The following OXR1 variants were observed in gnomAD, a reference collection of about 807,000 sequenced individuals.
The protein encoded by OXR1 is oxidation resistance 1.
In OXR1, 41 loss-of-function variants were observed where a neutral mutation model predicts 104.6. The observed-to-expected ratio is 0.39, with a 90% CI of 0.31 to 0.51. The LOEUF (loss-of-function observed/expected upper bound fraction) is 0.51. Ranked by LOEUF, OXR1 falls within the 20% of genes least tolerant of loss-of-function variation. OXR1 has a pLI of 0.77. For synonymous variants in OXR1, 348 were observed against 348.4 expected (o/e 1.00, Z 0.01); for missense variants, 955 against 1,031.9 (o/e 0.93, Z 1.02).
chr8:106,470,435 C>T (rs1821425621), intron 2 of OXR1, among the ~76,000 whole-genome samples: 1 of 151,628 alleles, frequency 6.6e-6, no homozygotes, highest in Admixed American at 6.6e-5. Flanking sequence ...GTATTTTGGC[C>T]TGAGCAACTG....
chr8:106,302,443 C>G (rs1027370790), intron 1 of OXR1, among the ~76,000 whole-genome samples: 3 of 151,696 alleles, frequency 2.0e-5, no homozygotes, highest in Admixed American at 2.0e-4. Context: ...AAATTAAGCC[C>G]GGCGTGGTGG....
intron 2 of OXR1, among the ~76,000 whole-genome samples, chr8:106,512,951 A>G (rs374697795): frequency 3.4e-4 from 52 of 152,202 alleles, no homozygotes; most frequent in African/African-American, 1.2e-3. Flanking sequence ...TGAGCAGTAT[A>G]AAGCCACATT....
chr8:106,382,600 C>G (rs998687539), intron 2 of OXR1, among the ~76,000 whole-genome samples: 1 of 151,916 alleles, frequency 6.6e-6, no homozygotes, highest in Non-Finnish European at 1.5e-5. Flanking sequence ...ACACTCAACC[C>G]CACAGCCCAG....
In OXR1 at chr8:106,702,282, T is replaced by G. The variant is rs28921408; in HGVS notation, c.676-624T>G. Among the ~76,000 whole-genome samples the G allele has an allele frequency of 7.8e-4, 119 of 152,240 alleles. No homozygotes were observed. In the Middle Eastern group the frequency reaches 0.02, roughly 26 times the overall value. ...CCCTGTATCACTATTTATATAAATA[T>G]ATTTAAAATTTTATAGCTTTTCATG... On this transcript the variant is annotated intron_variant, in intron 7 of 16. Transcript: ENST00000517566.
intron 2 of OXR1, among the ~76,000 whole-genome samples, chr8:106,443,420 A>G (rs905298485): frequency 2.0e-5 from 3 of 152,104 alleles, no homozygotes; most frequent in African/African-American, 4.8e-5. Flanking sequence ...GATGTCTACT[A>G]AGTCTACTTG....
In OXR1 at chr8:106,546,687, C is replaced by T. The variant is rs1275687570; in HGVS notation, c.220+27548C>T. ...TCCCCTCATGGTCAGTAAATCAGTG[C>T]TCTACATAAGGTAAGGTGAACATAG... is the stretch of plus-strand genomic sequence containing the variant. On this transcript the variant is annotated intron_variant, in intron 3 of 16. Transcript: ENST00000517566. Among the ~76,000 whole-genome samples the T allele has an allele frequency of 2.0e-5, 3 of 152,076 alleles. No individual in the cohort carries two copies. In the East Asian group the frequency reaches 5.8e-4, roughly 29 times the overall value.
intron 9 of OXR1, among the ~76,000 whole-genome samples, chr8:106,709,156 A>G (rs1296343267): frequency 6.6e-6 from 1 of 152,154 alleles, no homozygotes; most frequent in Non-Finnish European, 1.5e-5. Context: ...TTCATCACCC[A>G]GAGATGATCA....
chr8:106,738,614 A>G (rs1448431814), intron 12 of OXR1, among the ~76,000 whole-genome samples: 1 of 151,230 alleles, frequency 6.6e-6, no homozygotes, highest in African/African-American at 2.4e-5. Flanking sequence ...TTTATTTTCT[A>G]ATATTATTAT....
chr8:106,516,842 CTG>C (rs1390611547), intron 2 of OXR1, among the ~76,000 whole-genome samples: 3 of 152,040 alleles, frequency 2.0e-5, no homozygotes, highest in African/African-American at 7.2e-5. Flanking sequence ...TATAGTTGTT[CTG>C]TGTTATTATT....
chr8:106,334,842 T>G (rs1814890152), intron 1 of OXR1, among the ~76,000 whole-genome samples: 1 of 152,166 alleles, frequency 6.6e-6, no homozygotes, highest in African/African-American at 2.4e-5. Flanking sequence ...AGCAGAAAAA[T>G]GCATATTTGA....
At chr8:106,500,314 C>T (rs1288305743) in intron 2 of OXR1, among the ~76,000 whole-genome samples, 1 of 152,200 alleles carries the variant, frequency 6.6e-6, no homozygotes, top group Admixed American at 6.5e-5. Flanking sequence ...CTGGGCCTGC[C>T]TGGCCTAAAC....
intron 1 of OXR1, among the ~76,000 whole-genome samples, chr8:106,349,974 T>C (rs977198133): frequency 6.6e-6 from 1 of 151,404 alleles, no homozygotes; most frequent in African/African-American, 2.4e-5. Context: ...AAAACAAGAG[T>C]GGATGTAAAA....
chr8:106,744,486 G>A (rs1835214875), intron 15 of OXR1, among the ~76,000 whole-genome samples: 1 of 152,092 alleles, frequency 6.6e-6, no homozygotes, highest in African/African-American at 2.4e-5. Context: ...TTACTATTCT[G>A]TTTACAAATT....
chr8:106,632,684 T>G (rs1043551495), intron 3 of OXR1, among the ~76,000 whole-genome samples: 24 of 152,348 alleles, frequency 1.6e-4, no homozygotes, highest in African/African-American at 5.8e-4. Flanking sequence ...CAATTTTTAC[T>G]TATGCTTTAC....
chr8:106,626,799 G>A lies in OXR1; in HGVS notation c.221-52411G>A, dbSNP rs931157168. 4.0e-5 allele frequency among the ~76,000 whole-genome samples: 6 copies of A among 150,646 alleles called. No individual in the cohort carries two copies. In the East Asian group the frequency reaches 5.8e-4, roughly 15 times the overall value. On this transcript the variant is annotated intron_variant, in intron 3 of 16. Transcript: ENST00000517566. ...AATTTTGTGGTTATTATTCACTAGC[G>A]TTGTGATAAATATTTCAAATTAATT...
intron 1 of OXR1, among the ~76,000 whole-genome samples, chr8:106,270,593 G>GC (rs1811754842): frequency 6.6e-6 from 1 of 151,008 alleles, no homozygotes. Flanking sequence ...TCCAGCGGGG[G>GC]CCCAGAGGGC....
intron 3 of OXR1, among the ~76,000 whole-genome samples, chr8:106,608,177 C>A (rs1820546637): frequency 6.6e-6 from 1 of 152,096 alleles, no homozygotes; most frequent in Non-Finnish European, 1.5e-5. Context: ...GTAATCCCAG[C>A]TATTCAGGAG....
chr8:106,728,100 G>A (rs961945986), intron 11 of OXR1, among the ~76,000 whole-genome samples: 1 of 151,780 alleles, frequency 6.6e-6, no homozygotes, highest in Admixed American at 6.6e-5. Flanking sequence ...GGAGCTGTAG[G>A]GCAGGCAGCT....
intron 2 of OXR1, among the ~76,000 whole-genome samples, chr8:106,455,617 G>T (rs574370796): frequency 2.6e-5 from 4 of 152,244 alleles, no homozygotes; most frequent in South Asian, 2.1e-4. Context: ...TGCCAACAAA[G>T]GAACAGGTGA....
Sources: gnomAD v4.1 joint callset for allele counts (sites outside exome capture counted in the v4.1 genomes callset) on GRCh38, gnomAD v4.1.1 for gene constraint, MANE v1.5 for transcripts, NCBI Gene and HGNC (gene_info 2026-07-23, HGNC 2026-07-21) for gene names.